Variants in PDCD6IP observed in about 807,000 individuals in gnomAD.
PDCD6IP encodes programmed cell death 6 interacting protein.
PDCD6IP carries 43 observed loss-of-function variants against 103.7 expected under a neutral mutation model. The observed-to-expected ratio is 0.41, with a 90% CI of 0.32 to 0.53. The LOEUF is 0.53. PDCD6IP is among the 20% of genes least tolerant of loss of function. The pLI is 0.16. For synonymous variants in PDCD6IP, 354 were observed against 378.7 expected (o/e 0.93, Z 0.76); for missense variants, 871 against 1,036.7 (o/e 0.84, Z 2.20).
rs1184053685 is a variant in PDCD6IP, at chr3:33,845,489, G to A, written c.1542G>A (p.Gln514=). Reference sequence around the variant, plus strand: ...ATGGACAAGTGAAAGAATGTTACCAGTCTCATCGTGACACCATCGTGCTTT... The same window carrying A: ...ATGGACAAGTGAAAGAATGTTACCAATCTCATCGTGACACCATCGTGCTTT... The part of the protein sequence containing the change: ...QADGQVKECY[Q]SHRDTIVLLC... The change falls in exon 12 of 18, where the codon CAG becomes CAA. Residue 514 remains glutamine, a synonymous_variant. Coordinates refer to ENST00000307296, the MANE Select transcript of PDCD6IP (RefSeq NM_013374.6). 3 of 1,613,746 alleles carry A rather than the reference G, an allele frequency of 1.9e-6. No homozygotes were observed. Among genetic ancestry groups the A allele is most frequent in the African/African-American group, 1.3e-5 (1 of 74,916 alleles).
intron 10 of PDCD6IP, among the ~76,000 whole-genome samples, chr3:33,842,665 T>A (rs9846072): frequency 0.36 from 54,149 of 151,914 alleles, 10,595 homozygotes; most frequent in African/African-American, 0.51. Context: ...ATTTACAGAG[T>A]CTTTGCAAAT....
At chr3:33,826,697 C>G (rs1421001739) in intron 6 of PDCD6IP, 117 bp downstream of exon 6, 21 of 1,453,468 alleles carry the variant, frequency 1.4e-5, no homozygotes, top group Non-Finnish European at 1.8e-5. Flanking sequence ...ATAGAGTTAT[C>G]TGAAGTATAT....
chr3:33,826,795 T>C lies in PDCD6IP; in HGVS notation c.717+215T>C, dbSNP rs908349686. The C allele has an allele frequency of 5.3e-6, 7 of 1,308,560 alleles. No individual in the cohort carries two copies. The African/African-American group carries it at 7.5e-5, about 14-fold the overall frequency. 81.1% of individuals were successfully genotyped at this position (1,308,560 alleles called of 1,614,324 possible). ...GGATGCCTTTGTCTTTACCTTTTACTAAACTTGTTTTTCCAAGCTAGAACT... is the reference window on the plus strand; with the variant it reads ...GGATGCCTTTGTCTTTACCTTTTACCAAACTTGTTTTTCCAAGCTAGAACT... On this transcript the variant is annotated intron_variant, in intron 6 of 17. Transcript: ENST00000307296.
chr3:33,808,408 C>G (rs1696643664), intron 1 of PDCD6IP, among the ~76,000 whole-genome samples: 1 of 152,114 alleles, frequency 6.6e-6, no homozygotes, highest in African/African-American at 2.4e-5. Context: ...TGCATAGTCC[C>G]TTTGGGGGAC....
intron 13 of PDCD6IP, among the ~76,000 whole-genome samples, 171 bp from the exon 14 acceptor site, chr3:33,853,704 TAAGA>T (rs1697767536): frequency 6.6e-6 from 1 of 152,160 alleles, no homozygotes; most frequent in African/African-American, 2.4e-5. Flanking sequence ...AATTTTTACT[TAAGA>T]AAGATTTAAA....
intron 15 of PDCD6IP, among the ~76,000 whole-genome samples, chr3:33,861,706 G>T (rs563660558): frequency 2.0e-4 from 30 of 152,214 alleles, no homozygotes; most frequent in African/African-American, 6.5e-4. Context: ...CCACATTTTT[G>T]CCCTTAGCTA....
intron 7 of PDCD6IP, among the ~76,000 whole-genome samples, 178 bp downstream of exon 7, chr3:33,829,147 A>G (rs1388730142): frequency 6.6e-6 from 1 of 152,102 alleles, no homozygotes; most frequent in East Asian, 1.9e-4. Flanking sequence ...CTCATATTTT[A>G]TCTAAAAAAT....
At chr3:33,819,733 T>C (rs1696945072) in intron 3 of PDCD6IP, among the ~76,000 whole-genome samples, 1 of 152,248 alleles carries the variant, frequency 6.6e-6, no homozygotes, top group African/African-American at 2.4e-5. Flanking sequence ...TAAGGAGCCT[T>C]ATTTTGCCTA....
intron 15 of PDCD6IP, among the ~76,000 whole-genome samples, chr3:33,861,421 G>A (rs1213547200): frequency 6.6e-6 from 1 of 152,108 alleles, no homozygotes; most frequent in Non-Finnish European, 1.5e-5. Flanking sequence ...GATTACAGGC[G>A]TGAGCCACCG....
chr3:33,830,347 A>T (rs1003734443), intron 7 of PDCD6IP, among the ~76,000 whole-genome samples: 1 of 152,162 alleles, frequency 6.6e-6, no homozygotes, highest in Non-Finnish European at 1.5e-5. Context: ...TTAAATTGTA[A>T]GTTTAGTTTC....
chr3:33,850,014 G>A (rs1247827044), intron 12 of PDCD6IP, among the ~76,000 whole-genome samples: 1 of 152,112 alleles, frequency 6.6e-6, no homozygotes, highest in Non-Finnish European at 1.5e-5. Flanking sequence ...TATCAGTCTG[G>A]TTGGATACCA....
intron 1 of PDCD6IP, among the ~76,000 whole-genome samples, chr3:33,799,866 A>G (rs1192455432): frequency 6.6e-6 from 1 of 152,010 alleles, no homozygotes; most frequent in Non-Finnish European, 1.5e-5. Context: ...CACGCCTGTA[A>G]TCCCAGCACT....
intron 2 of PDCD6IP, 29 bp from the exon 3 acceptor site, chr3:33,813,530 A>C (rs745726615): frequency 1.4e-6 from 2 of 1,397,574 alleles, no homozygotes; most frequent in Non-Finnish European, 2.0e-6. Context: ...AAGGTTACCT[A>C]ATTTTCTGTT....
intron 15 of PDCD6IP, among the ~76,000 whole-genome samples, chr3:33,858,346 C>T (rs1236908929): frequency 5.9e-5 from 9 of 152,046 alleles, no homozygotes; most frequent in Non-Finnish European, 8.8e-5. Context: ...ATCAACTGGG[C>T]GTGATGGCAT....
intron 4 of PDCD6IP, among the ~76,000 whole-genome samples, chr3:33,823,480 A>T (rs1437807858): frequency 5.9e-5 from 9 of 152,204 alleles, no homozygotes; most frequent in African/African-American, 2.2e-4. Context: ...ATACATGGCA[A>T]ATATTTTAAA....
At chr3:33,859,691 T>C (rs1251806846) in intron 15 of PDCD6IP, among the ~76,000 whole-genome samples, 1 of 152,194 alleles carries the variant, frequency 6.6e-6, no homozygotes, top group Non-Finnish European at 1.5e-5. Context: ...TGTTGTCACA[T>C]GTTGGAGAAA....
chr3:33,814,512 A>G (rs1224452083), intron 3 of PDCD6IP, among the ~76,000 whole-genome samples: 1 of 146,226 alleles, frequency 6.8e-6, no homozygotes, highest in Non-Finnish European at 1.5e-5. Context: ...GCAATGAATA[A>G]TTATATTATT....
chr3:33,848,007 C>G (rs4678617), intron 12 of PDCD6IP, among the ~76,000 whole-genome samples: 44,471 of 151,844 alleles, frequency 0.29, 6,741 homozygotes, highest in East Asian at 0.41. Context: ...TACCTCCTTA[C>G]AGGTAGAGCA....
chr3:33,852,453 T>TC, intron 12 of PDCD6IP, 35 bp from the exon 13 acceptor site: 1 of 1,332,558 alleles, frequency 7.5e-7, no homozygotes, highest in Non-Finnish European at 9.8e-7. Context: ...TTTTTTTTTT[T>TC]TTTGCAGTTA....
Sources: gnomAD v4.1 joint callset for allele counts (sites outside exome capture counted in the v4.1 genomes callset) on GRCh38, gnomAD v4.1.1 for gene constraint, MANE v1.5 for transcripts, NCBI Gene and HGNC (gene_info 2026-07-23, HGNC 2026-07-21) for gene names.